TRMT5: variants seen among roughly 807,000 people sequenced by gnomAD.
TRMT5 encodes the protein tRNA methyltransferase 5.
TRMT5 carries 31 observed loss-of-function variants against 42.2 expected under a neutral mutation model. That is an observed-to-expected ratio of 0.73 (90% CI 0.55 to 0.99). The LOEUF (loss-of-function observed/expected upper bound fraction) is 0.99, where lower values mean the gene tolerates loss of function less well. Ranked by LOEUF, TRMT5 falls within the 50% of genes least tolerant of loss-of-function variation. The pLI is 0.00. For synonymous variants in TRMT5, 198 were observed against 209.6 expected (o/e 0.94, Z 0.48); for missense variants, 568 against 595.0 (o/e 0.95, Z 0.47).
At chr14:60,981,127 G>A, upstream of TRMT5, 3 of 1,559,698 alleles carry the variant, frequency 1.9e-6, no homozygotes, top group East Asian at 2.4e-5. Context: ...ATCAGATCAA[G>A]TCGACTCGCT....
chr14:60,980,889 C>T (rs762017462), intron 1 of TRMT5, 74 bp downstream of exon 1: 8 of 1,608,016 alleles, frequency 5.0e-6, no homozygotes, highest in Non-Finnish European at 5.9e-6. Context: ...CCAGGCAGCA[C>T]ATGGCAGAGA....
chr14:60,981,465 G>A (rs1180132550), upstream of TRMT5: 2 of 1,542,464 alleles, frequency 1.3e-6, no homozygotes, highest in East Asian at 2.4e-5. Context: ...AGAAAAGGAG[G>A]ACCGCACCGG....
Position 60,974,049 on chromosome 14 carries a change from G to A in TRMT5, c.*1060C>T, listed in dbSNP as rs374968311. 9.2e-5 allele frequency: 14 copies of A among 152,286 alleles called. No homozygotes were observed. Among genetic ancestry groups the A allele is most frequent in the Admixed American group, 5.2e-4 (8 of 15,308 alleles). 9.4% of individuals were successfully genotyped at this position (152,286 alleles called of 1,614,324 possible). A position where few individuals can be genotyped will look rare whatever the true frequency, so the allele number is the denominator to read the frequency against. Reference sequence around the variant, plus strand: ...GTTATTCTTTTAGCTTAGCTATATAGATGCTTTGTCGTCTAATTCAACATC... The same window carrying A: ...GTTATTCTTTTAGCTTAGCTATATAAATGCTTTGTCGTCTAATTCAACATC... On this transcript the variant is annotated 3_prime_UTR_variant, in exon 5 of 5. Transcript: ENST00000261249.
In TRMT5 at chr14:60,974,656, G is replaced by T. The variant is rs1371022887; in HGVS notation, c.*453C>A. 1 of 152,218 alleles carries T rather than the reference G, an allele frequency of 6.6e-6. No homozygotes were observed. Among genetic ancestry groups the T allele is most frequent in the Non-Finnish European group, 1.5e-5 (1 of 68,092 alleles). The allele number at this position is 152,218 out of a possible 1,614,324, so 9.4% of individuals were successfully genotyped here. A position where few individuals can be genotyped will look rare whatever the true frequency, so the allele number is the denominator to read the frequency against. ...TAGGCCACAGGCCATATGAAAACAG[G>T]TGGTGGGACAGATTTGGCCTGCAGG... On this transcript the variant is annotated 3_prime_UTR_variant, in exon 5 of 5. Coordinates refer to ENST00000261249, the MANE Select transcript of TRMT5 (RefSeq NM_020810.3).
chr14:60,975,293 TA>T (rs2036829049), intron 4 of TRMT5, 99 bp from the exon 5 acceptor site: 1 of 1,323,984 alleles, frequency 7.6e-7, no homozygotes, highest in East Asian at 2.4e-5. Flanking sequence ...CTAGTCAACT[TA>T]AACATGAAAT....
intron 3 of TRMT5, 100 bp downstream of exon 3, chr14:60,977,410 TACTC>T (rs1210951490): frequency 1.1e-5 from 13 of 1,179,064 alleles, no homozygotes; most frequent in African/African-American, 1.5e-5. Context: ...CATTCTCACA[TACTC>T]ACCAACACTG....
At position 60,976,017 on chromosome 14, in the gene TRMT5, A is replaced by G; in HGVS notation, c.902T>C (p.Val301Ala). The part of the protein sequence containing the change: ...RITELLKPGD[V>A]LFDVFAGVGP... Reference sequence around the variant, plus strand: ...AACCCCAGCAAAAACATCAAATAGGACATCCCCAGGTTTGAGAAGTTCTGT... The same window carrying G: ...AACCCCAGCAAAAACATCAAATAGGGCATCCCCAGGTTTGAGAAGTTCTGT... Residue 301 changes from valine to alanine, a missense_variant, in exon 4 of 5, where the codon GTC becomes GCC. Coordinates refer to ENST00000261249, the MANE Select transcript of TRMT5 (RefSeq NM_020810.3). 6.2e-7 allele frequency: 1 copy of G among 1,614,244 alleles called. No individual in the cohort carries two copies. The highest frequency in any genetic ancestry group is 8.5e-7 in the Non-Finnish European group (1 of 1,180,042).
At chr14:60,979,159 T>TA (rs2036884388) in intron 2 of TRMT5, 72 bp downstream of exon 2, 1 of 1,374,976 alleles carries the variant, frequency 7.3e-7, no homozygotes, top group African/African-American at 1.5e-5. Flanking sequence ...TTAAAAAAAA[T>TA]AATTTTTAAA....
intron 4 of TRMT5, 56 bp downstream of exon 4, chr14:60,975,419 G>C: frequency 6.4e-7 from 1 of 1,565,910 alleles, no homozygotes; most frequent in Non-Finnish European, 8.6e-7. Context: ...AAACTGGGAG[G>C]AATTAGTTAC....
In TRMT5 at chr14:60,974,952, A is replaced by C. The variant is rs1203038702; in HGVS notation, c.*157T>G. The C allele has an allele frequency of 2.3e-6, 1 of 443,150 alleles. No homozygotes were observed. The highest frequency in any genetic ancestry group is 4.1e-6 in the Non-Finnish European group (1 of 246,278). The allele number at this position is 443,150 out of a possible 1,614,324, so 27.5% of individuals were successfully genotyped here. A position where few individuals can be genotyped will look rare whatever the true frequency, so the allele number is the denominator to read the frequency against. On this transcript the variant is annotated 3_prime_UTR_variant, in exon 5 of 5. Coordinates refer to ENST00000261249, the MANE Select transcript of TRMT5 (RefSeq NM_020810.3). ...AACAGGGAATGTATTTGGTAGCCTT[A>C]GTTCAGTTAAAGTTTAATTGGTAAT...
rs1324413276 is a variant in TRMT5, at chr14:60,974,533, A to G, written c.*576T>C. The G allele has an allele frequency of 1.3e-5, 2 of 152,254 alleles. No homozygotes were observed. Among genetic ancestry groups the G allele is most frequent in the Non-Finnish European group, 2.9e-5 (2 of 68,050 alleles). 9.4% of individuals were successfully genotyped at this position (152,254 alleles called of 1,614,324 possible). ...AAACTCTTAATTTCATACAATTCTA[A>G]TTTTTAAAACTGATACATAATAGAT... On this transcript the variant is annotated 3_prime_UTR_variant, in exon 5 of 5. Coordinates refer to ENST00000261249, the MANE Select transcript of TRMT5 (RefSeq NM_020810.3).
upstream of TRMT5, chr14:60,981,625 A>G: frequency 6.8e-7 from 1 of 1,462,176 alleles, no homozygotes. Flanking sequence ...GAAGAGATGC[A>G]GCGTTGAGTG....
Position 60,975,485 on chromosome 14 carries a change from G to C in TRMT5, c.1434C>G (p.Thr478=), listed in dbSNP as rs139967296. ...IPASVLYKNQ[T]RNPENHEDPP... ...CCAGAAACTGCTCACCTGGATTTCT[G>C]GTCTGGTTCTTGTAGAGGACAGAGG... The change falls in exon 4 of 5, where the codon ACC becomes ACG. Residue 478 remains threonine, a synonymous_variant. Transcript: ENST00000261249. The C allele has an allele frequency of 6.2e-7, 1 of 1,608,388 alleles. No individual in the cohort carries two copies. The highest frequency in any genetic ancestry group is 8.5e-7 in the Non-Finnish European group (1 of 1,175,802).
chr14:60,980,930 G>A, intron 1 of TRMT5, 33 bp downstream of exon 1: 1 of 1,612,496 alleles, frequency 6.2e-7, no homozygotes, highest in Non-Finnish European at 8.5e-7. Flanking sequence ...ACCTCCCCTG[G>A]ACCATTAGCC....
chr14:60,978,606 A>G (rs374809482), intron 2 of TRMT5, among the ~76,000 whole-genome samples: 28 of 152,214 alleles, frequency 1.8e-4, no homozygotes, highest in African/African-American at 6.5e-4. Flanking sequence ...GCCTCTATGA[A>G]AGAAAGTTTA....
At chr14:60,980,185 G>C (rs1388055597) in intron 1 of TRMT5, among the ~76,000 whole-genome samples, 6 of 152,094 alleles carry the variant, frequency 3.9e-5, no homozygotes, top group African/African-American at 1.4e-4. Flanking sequence ...AATACATTTG[G>C]GATTGGAAGA....
rs774871636 is a variant in TRMT5, at chr14:60,975,187, A to G, written c.1452T>C (p.His484=). ...TCTGCCTTTTAAGAGGTGGATCTTC[A>G]TGATTCTCTGTAATAAATCCAGAAA... is the stretch of plus-strand genomic sequence containing the variant. The part of the protein sequence containing the change: ...YKNQTRNPEN[H]EDPPLKRQRT... Residue 484 remains histidine (H), a synonymous_variant, in exon 5 of 5, where the codon CAT becomes CAC. Coordinates refer to ENST00000261249, the MANE Select transcript of TRMT5 (RefSeq NM_020810.3). 1.2e-6 allele frequency: 2 copies of G among 1,603,564 alleles called. No individual in the cohort carries two copies. The highest frequency in any genetic ancestry group is 4.5e-5 in the East Asian group (2 of 44,780).
At position 60,975,478 on chromosome 14, in the gene TRMT5, G is replaced by C. The variant is rs765383054; in HGVS notation, c.1441C>G (p.Pro481Ala). 61 of 1,605,234 alleles carry C rather than the reference G, an allele frequency of 3.8e-5. No individual in the cohort carries two copies. The South Asian group carries it at 6.5e-4, about 17-fold the overall frequency. ...SVLYKNQTRNPENHEDPPLKR... is the reference protein window; with the variant it reads ...SVLYKNQTRNAENHEDPPLKR... The stretch of plus-strand genomic sequence containing the variant: ...TAATTTCCCAGAAACTGCTCACCTG[G>C]ATTTCTGGTCTGGTTCTTGTAGAGG... The change falls in exon 4 of 5, where the codon CCA becomes GCA. Residue 481 changes from proline to alanine, a missense_variant. Transcript: ENST00000261249.
upstream of TRMT5, chr14:60,981,588 G>A: frequency 1.3e-6 from 2 of 1,510,386 alleles, no homozygotes; most frequent in South Asian, 2.4e-5. Flanking sequence ...GCATACTCTA[G>A]AAAGAAAAGA....
Sources: gnomAD v4.1 joint callset for allele counts (sites outside exome capture counted in the v4.1 genomes callset) on GRCh38, gnomAD v4.1.1 for gene constraint, MANE v1.5 for transcripts, NCBI Gene and HGNC (gene_info 2026-07-23, HGNC 2026-07-21) for gene names.